Variants in C8B observed in about 807,000 individuals in gnomAD.
C8B encodes the protein complement component C8 beta chain.
In C8B, 67 loss-of-function variants were observed where a neutral mutation model predicts 64.6. The ratio of observed to expected loss-of-function variants is 1.04; its 90% CI spans 0.85 to 1.27. The LOEUF (loss-of-function observed/expected upper bound fraction) is 1.27. Ranked by LOEUF, C8B falls within the 50% of genes most tolerant of loss-of-function variation. C8B has a pLI of 0.00. For missense variants in C8B, 790 were observed against 725.2 expected, an observed-to-expected ratio of 1.09 and a Z score of -1.03; for synonymous variants, 284 against 257.7, an observed-to-expected ratio of 1.10 and a Z score of -0.98.
intron 1 of C8B, 96 bp from the exon 2 acceptor site, chr1:56,960,272 T>A: frequency 8.6e-7 from 1 of 1,166,984 alleles, no homozygotes; most frequent in Non-Finnish European, 1.3e-6. Flanking sequence ...ATATATTTGC[T>A]CACTTGTGCA....
intron 7 of C8B, 93 bp downstream of exon 7, chr1:56,945,728 G>T: frequency 1.3e-6 from 2 of 1,483,236 alleles, no homozygotes; most frequent in Non-Finnish European, 9.4e-7. Flanking sequence ...ACACTGTGAA[G>T]GTGTAGCCAG....
chr1:56,933,279 C>A, intron 10 of C8B, 56 bp downstream of exon 10: 1 of 1,471,276 alleles, frequency 6.8e-7, no homozygotes. Flanking sequence ...GGCTGGCCCC[C>A]GGCCTGCTTC....
In C8B at chr1:56,943,740, C is replaced by T. The variant is rs1396621353; in HGVS notation, c.1190G>A (p.Gly397Asp). The T allele has an allele frequency of 1.2e-6, 2 of 1,614,136 alleles. No individual in the cohort carries two copies. Among genetic ancestry groups the T allele is most frequent in the African/African-American group, 1.3e-5 (1 of 75,060 alleles). ...ACCTCTGCATTTGCCTACAGACACA[C>T]CCAGACTGACGTAGACCTCTTCAAT... is the stretch of plus-strand genomic sequence containing the variant. ...GAIEEVYVSLGVSVGKCRGIL... is the reference protein window; with the variant it reads ...GAIEEVYVSLDVSVGKCRGIL... The change falls in exon 8 of 12, where the codon GGT (glycine) becomes GAT (aspartate). Residue 397 changes from glycine (G) to aspartate (D), a missense_variant. Transcript: ENST00000371237.
intron 9 of C8B, among the ~76,000 whole-genome samples, chr1:56,940,376 GCAACATAGCAAGACCC>G (rs1475070741): frequency 6.6e-6 from 1 of 151,332 alleles, no homozygotes; most frequent in African/African-American, 2.4e-5. Flanking sequence ...ACCAACCTGG[GCAACATAGCAAGACCC>G]CATTTCTAAA....
At chr1:56,930,527 A>G (rs1158275424) in intron 11 of C8B, among the ~76,000 whole-genome samples, 1 of 152,152 alleles carries the variant, frequency 6.6e-6, no homozygotes, top group Non-Finnish European at 1.5e-5. Flanking sequence ...TGCTAGGGGC[A>G]TGGTTGAGGT....
At chr1:56,959,719 C>G (rs1645150029) in intron 2 of C8B, 1 of 965,854 alleles carries the variant, frequency 1.0e-6, no homozygotes, top group Non-Finnish European at 1.5e-6. Context: ...CAGACATACA[C>G]TATGATTGCT....
In C8B at chr1:56,929,570, A is replaced by G; in HGVS notation, c.1622-12T>C. The G allele has an allele frequency of 6.2e-7, 1 of 1,613,202 alleles. No individual in the cohort carries two copies. The highest frequency in any genetic ancestry group is 2.2e-5 in the East Asian group (1 of 44,846). On this transcript the variant is annotated splice_polypyrimidine_tract_variant and intron_variant, in intron 11 of 11. Transcript: ENST00000371237. ...ATCAATGGGGGTATCTATAAGAAAG[A>G]AGGTCAATAAGCATCAATCAGCACT...
At chr1:56,965,766 T>G in intron 1 of C8B, 91 bp downstream of exon 1, 1 of 1,382,326 alleles carries the variant, frequency 7.2e-7, no homozygotes, top group South Asian at 1.2e-5. Flanking sequence ...CCTCATTCAA[T>G]AGGCATGCAA....
chr1:56,945,696 GA>G (rs1406817087), intron 7 of C8B, 124 bp downstream of exon 7: 4 of 1,200,274 alleles, frequency 3.3e-6, no homozygotes, highest in African/African-American at 3.0e-5. Context: ...TCAAAAAGAA[GA>G]GGAAGAGGAA....
In C8B at chr1:56,929,428, A is replaced by G. The variant is rs1276436104; in HGVS notation, c.1752T>C (p.Ala584=). The G allele has an allele frequency of 6.2e-7, 1 of 1,612,354 alleles. No individual in the cohort carries two copies. Among genetic ancestry groups the G allele is most frequent in the South Asian group, 1.1e-5 (1 of 91,006 alleles). The change falls in exon 12 of 12, where the codon GCT becomes GCC. Residue 584 remains alanine, a synonymous_variant. Coordinates refer to ENST00000371237, the MANE Select transcript of C8B (RefSeq NM_000066.4). ...QNGGSPCSGP[A]SETLDCS ...GCTAGGAGCAGTCAAGTGTTTCTGA[A>G]GCAGGGCCTGAACAGGGGCTACCCC...
At chr1:56,959,999 G>C in intron 2 of C8B, 21 bp downstream of exon 2, 2 of 1,613,932 alleles carry the variant, frequency 1.2e-6, no homozygotes, top group South Asian at 2.2e-5. Context: ...GCTTAGAGCT[G>C]TCCCAGGCCT....
At chr1:56,959,743 G>T in intron 2 of C8B, 1 of 856,346 alleles carries the variant, frequency 1.2e-6, no homozygotes. Flanking sequence ...CCTGTTTCAT[G>T]ATGAAAGATT....
chr1:56,932,470 C>A (rs2101353919), intron 10 of C8B, among the ~76,000 whole-genome samples: 1 of 152,266 alleles, frequency 6.6e-6, no homozygotes, highest in South Asian at 2.1e-4. Context: ...TCAGGTGGGT[C>A]CAAGTTTCTA....
At position 56,965,909 on chromosome 1, in the gene C8B, C is replaced by T; in HGVS notation, c.40G>A (p.Glu14Lys). 6.2e-7 allele frequency: 1 copy of T among 1,614,036 alleles called. No homozygotes were observed. The highest frequency in any genetic ancestry group is 8.5e-7 in the Non-Finnish European group (1 of 1,180,010). The stretch of plus-strand genomic sequence containing the variant: ...AGGGCAGCACAGAGAAGAAATAGCT[C>T]CACCGGCGCCCTCCAAGCCCATGTC... ...SRTWAWRAPV[E>K]LFLLCAALGC... The change falls in exon 1 of 12, where the codon GAG (glutamate) becomes AAG (lysine). Residue 14 changes from glutamate to lysine, a missense_variant. Glu to Lys is a moderately conservative substitution (Grantham distance 56). Transcript: ENST00000371237.
At chr1:56,936,615 G>T (rs1381947388) in intron 9 of C8B, among the ~76,000 whole-genome samples, 1 of 135,320 alleles carries the variant, frequency 7.4e-6, no homozygotes, top group Non-Finnish European at 1.6e-5. Context: ...TTTTTTTTGA[G>T]ACAGAGTCTT....
chr1:56,948,773 A>G (rs1644979218), intron 6 of C8B, among the ~76,000 whole-genome samples: 1 of 152,198 alleles, frequency 6.6e-6, no homozygotes, highest in Non-Finnish European at 1.5e-5. Context: ...ATCTCCACTG[A>G]GCACCCTAAG....
intron 11 of C8B, 76 bp from the exon 12 acceptor site, chr1:56,929,634 T>G: frequency 4.8e-6 from 7 of 1,448,160 alleles, no homozygotes; most frequent in Non-Finnish European, 6.8e-6. Flanking sequence ...GGGTGAGCTA[T>G]GTAAGCCAAA....
chr1:56,956,673 C>A (rs969186596), intron 3 of C8B, 96 bp downstream of exon 3: 39 of 1,395,122 alleles, frequency 2.8e-5, no homozygotes, highest in African/African-American at 4.2e-5. Flanking sequence ...GCCCCATGAC[C>A]CTGATCTTGA....
At chr1:56,964,882 C>T (rs1264349166) in intron 1 of C8B, among the ~76,000 whole-genome samples, 1 of 152,184 alleles carries the variant, frequency 6.6e-6, no homozygotes, top group Non-Finnish European at 1.5e-5. Context: ...ACAGTACACA[C>T]AAGGAAGGTC....
Sources: gnomAD v4.1 joint callset for allele counts (sites outside exome capture counted in the v4.1 genomes callset) on GRCh38, gnomAD v4.1.1 for gene constraint, MANE v1.5 for transcripts, NCBI Gene and HGNC (gene_info 2026-07-23, HGNC 2026-07-21) for gene names.